The following AMBRA1 variants were observed in gnomAD, a reference collection of about 807,000 sequenced individuals.
AMBRA1 encodes the protein autophagy and beclin 1 regulator 1.
In AMBRA1, 47 loss-of-function variants were observed where a neutral mutation model predicts 125.4. The ratio of observed to expected loss-of-function variants is 0.37; its 90% confidence interval spans 0.30 to 0.48. The LOEUF (loss-of-function observed/expected upper bound fraction) is 0.48. AMBRA1 is among the 20% of genes least tolerant of loss of function. The probability of loss-of-function intolerance (pLI) is 0.99; values close to 1 mark genes in which losing one functional copy is unlikely to be tolerated. For synonymous variants in AMBRA1, 626 were observed against 655.5 expected, an observed-to-expected ratio of 0.95 and a Z score of 0.69; for missense variants, 1,331 against 1,693.4, an observed-to-expected ratio of 0.79 and a Z score of 3.76.
chr11:46,583,126 C>G (rs2044235422), intron 1 of AMBRA1, among the ~76,000 whole-genome samples: 1 of 152,144 alleles, frequency 6.6e-6, no homozygotes, highest in Non-Finnish European at 1.5e-5. Flanking sequence ...GTAACCAAAA[C>G]AGCATGGTAC....
intron 7 of AMBRA1, among the ~76,000 whole-genome samples, chr11:46,537,023 ATC>A: frequency 1.3e-5 from 2 of 152,342 alleles, no homozygotes. Flanking sequence ...ACCAATTTTT[ATC>A]TCTCTCAGTT....
intron 11 of AMBRA1, among the ~76,000 whole-genome samples, chr11:46,461,116 G>A (rs1011313259): frequency 1.3e-5 from 2 of 152,090 alleles, no homozygotes; most frequent in African/African-American, 4.8e-5. Flanking sequence ...GATGGTACAC[G>A]CCTATAGTCC....
intron 7 of AMBRA1, among the ~76,000 whole-genome samples, chr11:46,529,709 T>C (rs1952128955): frequency 6.6e-6 from 1 of 152,092 alleles, no homozygotes; most frequent in African/African-American, 2.4e-5. Flanking sequence ...TGTGAGCCTG[T>C]TTTTTCAACA....
chr11:46,544,681 G>A (rs544676912), intron 5 of AMBRA1, among the ~76,000 whole-genome samples: 2 of 152,246 alleles, frequency 1.3e-5, no homozygotes, highest in East Asian at 3.9e-4. Flanking sequence ...TTTTCCCAAA[G>A]AAGTACTATC....
chr11:46,569,222 G>T, intron 1 of AMBRA1, among the ~76,000 whole-genome samples: 1 of 144,642 alleles, frequency 6.9e-6, no homozygotes, highest in Admixed American at 6.9e-5. Flanking sequence ...CTCTAGCCTG[G>T]GCGACAAGAG....
chr11:46,519,747 A>T lies in AMBRA1; in HGVS notation c.2073-6934T>A, dbSNP rs551638348. ...CAGATTCCTCAGCAGGGCATTTGGTATTCAAGCTTTGCAGCCAAATTTCTC... is the reference window on the plus strand; with the variant it reads ...CAGATTCCTCAGCAGGGCATTTGGTTTTCAAGCTTTGCAGCCAAATTTCTC... On this transcript the variant is annotated intron_variant, in intron 7 of 17. Coordinates refer to ENST00000683756, the MANE Select transcript of AMBRA1 (RefSeq NM_001387011.1). Among the ~76,000 whole-genome samples, 7 of 152,346 alleles carry T rather than the reference A, an allele frequency of 4.6e-5. No homozygotes were observed. The South Asian group carries it at 1.4e-3, about 32-fold the overall frequency.
intron 7 of AMBRA1, chr11:46,518,232 C>G (rs1200871342): frequency 8.3e-6 from 2 of 241,478 alleles, no homozygotes; most frequent in African/African-American, 4.7e-5. Context: ...GAGTTCGAGA[C>G]CAGCCTGGCT....
At chr11:46,403,793 A>T (rs974843825) in intron 17 of AMBRA1, among the ~76,000 whole-genome samples, 1 of 152,160 alleles carries the variant, frequency 6.6e-6, no homozygotes, top group Non-Finnish European at 1.5e-5. Flanking sequence ...CAAGAAAATG[A>T]GAAGTAGCCT....
intron 11 of AMBRA1, among the ~76,000 whole-genome samples, chr11:46,485,486 T>C (rs533263068): frequency 6.6e-4 from 100 of 152,344 alleles, no homozygotes; most frequent in African/African-American, 2.3e-3. Flanking sequence ...GTAGTTAAAG[T>C]CTCAGGGGAA....
At chr11:46,573,695 T>C (rs1014902537) in intron 1 of AMBRA1, among the ~76,000 whole-genome samples, 2 of 151,616 alleles carry the variant, frequency 1.3e-5, no homozygotes, top group South Asian at 2.1e-4. Flanking sequence ...CTTTAAGTTT[T>C]AGGGTACATG....
intron 7 of AMBRA1, among the ~76,000 whole-genome samples, chr11:46,528,863 G>A (rs1270687575): frequency 6.6e-6 from 1 of 152,178 alleles, no homozygotes; most frequent in Non-Finnish European, 1.5e-5. Flanking sequence ...AATGACCCAA[G>A]GGGACAGCAA....
chr11:46,522,534 C>T (rs1238648882), intron 7 of AMBRA1, among the ~76,000 whole-genome samples: 1 of 152,064 alleles, frequency 6.6e-6, no homozygotes, highest in African/African-American at 2.4e-5. Context: ...AAAAAAAGGT[C>T]CACAGCTAGT....
intron 14 of AMBRA1, among the ~76,000 whole-genome samples, chr11:46,420,018 A>ACACACACACACACACACACACACACT (rs1418092325): frequency 3.3e-5 from 5 of 152,070 alleles, no homozygotes; most frequent in Non-Finnish European, 7.4e-5. Flanking sequence ...ACACACACAC[A>ACACACACACACACACACACACACACT]CACTCTTCCA....
chr11:46,537,601 C>G (rs1038264714), intron 7 of AMBRA1, among the ~76,000 whole-genome samples: 1 of 152,144 alleles, frequency 6.6e-6, no homozygotes, highest in Admixed American at 6.6e-5. Flanking sequence ...GAAGCAAAGG[C>G]CCACCACTCA....
intron 1 of AMBRA1, among the ~76,000 whole-genome samples, chr11:46,582,535 T>C (rs567740145): frequency 2.0e-5 from 3 of 152,332 alleles, no homozygotes; most frequent in Admixed American, 1.3e-4. Context: ...TCTCACTATA[T>C]TGACCTAGTG....
At chr11:46,399,284 G>A (rs1452069195) in intron 17 of AMBRA1, among the ~76,000 whole-genome samples, 1 of 152,032 alleles carries the variant, frequency 6.6e-6, no homozygotes, top group African/African-American at 2.4e-5. Flanking sequence ...ATGTTAGCCA[G>A]GCCAGTCTCG....
At chr11:46,455,967 T>A (rs1948828505) in intron 11 of AMBRA1, among the ~76,000 whole-genome samples, 1 of 152,182 alleles carries the variant, frequency 6.6e-6, no homozygotes, top group Admixed American at 6.5e-5. Flanking sequence ...TTTATCACCA[T>A]GCTATAGACT....
chr11:46,411,079 G>A (rs894575374), intron 15 of AMBRA1, among the ~76,000 whole-genome samples: 11 of 132,180 alleles, frequency 8.3e-5, no homozygotes, highest in African/African-American at 2.9e-4. Flanking sequence ...CAGCCTGGGT[G>A]ACAGTGCAAG....
rs1317090287 is a variant in AMBRA1, at chr11:46,542,022, G to C, written c.1995C>G (p.Ser665Arg). The C allele has an allele frequency of 6.2e-7, 1 of 1,614,090 alleles. No homozygotes were observed. The stretch of plus-strand genomic sequence containing the variant: ...CCTCCTGTGACACAGTTCCAGATCT[G>C]CTGGACTGGGTGTAAATTCTTTCCC... ...GHWERIYTQS[S>R]RSGTVSQEAL... The change falls in exon 7 of 18, where the codon AGC becomes AGG. Residue 665 changes from serine to arginine, a missense_variant. Ser to Arg is a moderately radical substitution (Grantham distance 110). Around this residue, in one of 4 missense-constraint regions of AMBRA1, gnomAD observed 689 missense variants for 776.5 expected, o/e 0.89. Transcript: ENST00000683756. This position sits in a 1 kb window ranked among gnomAD's most constrained non-coding sequence, Gnocchi z 5.9.
Sources: gnomAD v4.1 joint callset for allele counts (sites outside exome capture counted in the v4.1 genomes callset) on GRCh38, gnomAD v4.1.1 for gene constraint, gnomAD v4.1.1 regional missense constraint, Gnocchi (gnomAD v3.1) non-coding constraint, MANE v1.5 for transcripts, NCBI Gene and HGNC (gene_info 2026-07-23, HGNC 2026-07-21) for gene names.